The following SH3PXD2A variants were observed in gnomAD, a reference collection of about 807,000 sequenced individuals.
SH3PXD2A encodes SH3 and PX domain-containing protein 2A.
SH3PXD2A carries 32 observed loss-of-function variants against 115.2 expected under a neutral mutation model. That is an observed-to-expected ratio of 0.28 (90% CI 0.21 to 0.37). The LOEUF (loss-of-function observed/expected upper bound fraction) is 0.37. Ranked by LOEUF, SH3PXD2A falls within the 10% of genes least tolerant of loss-of-function variation. The pLI is 1.00. For missense variants in SH3PXD2A, 1,328 were observed against 1,498.7 expected, an observed-to-expected ratio of 0.89 and a Z score of 1.88; for synonymous variants, 610 against 629.1, an observed-to-expected ratio of 0.97 and a Z score of 0.45.
chr10:103,680,530 G>A (rs1053719244), intron 6 of SH3PXD2A, among the ~76,000 whole-genome samples: 2 of 152,098 alleles, frequency 1.3e-5, no homozygotes, highest in Non-Finnish European at 2.9e-5. Flanking sequence ...TCCCACCTCA[G>A]GTTCCCAAAG....
At chr10:103,755,717 A>G (rs2038633006) in intron 3 of SH3PXD2A, among the ~76,000 whole-genome samples, 2 of 152,206 alleles carry the variant, frequency 1.3e-5, no homozygotes, top group Admixed American at 6.5e-5. Flanking sequence ...CCAGATCTGC[A>G]GGAGCCCAAA....
chr10:103,620,754 A>G lies in SH3PXD2A; in HGVS notation c.802+1716T>C, dbSNP rs1187907857. Among the ~76,000 whole-genome samples, 1 of 152,164 alleles carries G rather than the reference A, an allele frequency of 6.6e-6. No homozygotes were observed. On this transcript the variant is annotated intron_variant, in intron 10 of 14. Transcript: ENST00000369774. The surrounding 1 kb of genome is among the most constrained non-coding windows in gnomAD (Gnocchi z 5.3). ...GAGAGAGAGCAAGAGCTGGGGGCTTATATTTGCTTAGGTATGGGTGACCAA... is the reference window on the plus strand; with the variant it reads ...GAGAGAGAGCAAGAGCTGGGGGCTTGTATTTGCTTAGGTATGGGTGACCAA...
chr10:103,712,588 G>T (rs1564870763), intron 5 of SH3PXD2A, among the ~76,000 whole-genome samples: 1 of 152,236 alleles, frequency 6.6e-6, no homozygotes. Flanking sequence ...GCCCTGGGGG[G>T]CCTGGACCAG....
At chr10:103,771,738 A>ACAC (rs112556897) in intron 2 of SH3PXD2A, among the ~76,000 whole-genome samples, 1 of 143,004 alleles carries the variant, frequency 7.0e-6, no homozygotes, top group Non-Finnish European at 1.5e-5. Context: ...CCGTCAAAAC[A>ACAC]ACACACACAC....
rs1013279419 is a variant in SH3PXD2A, at chr10:103,801,348, A to G, written c.87T>C (p.Asn29=). ...NPSKHYVYII[N]VTWSDSTSQT... ...GGGAGGTGGAGTCAGACCAGGTCAC[A>G]TTGATTATGTATACCTGTGGGAAAA... The change falls in exon 2 of 15, where the codon AAT becomes AAC. Residue 29 remains asparagine (N), a synonymous_variant. Transcript: ENST00000369774. 1 of 1,608,612 alleles carries G rather than the reference A, an allele frequency of 6.2e-7. No homozygotes were observed. Among genetic ancestry groups the G allele is most frequent in the African/African-American group, 1.3e-5 (1 of 74,930 alleles).
intron 1 of SH3PXD2A, among the ~76,000 whole-genome samples, chr10:103,818,837 C>T (rs2039349243): frequency 6.6e-6 from 1 of 152,126 alleles, no homozygotes; most frequent in African/African-American, 2.4e-5. Flanking sequence ...ACTGGGTCCC[C>T]CTCTACTCAC....
chr10:103,621,460 C>A (rs2036602128), intron 10 of SH3PXD2A, among the ~76,000 whole-genome samples: 1 of 152,248 alleles, frequency 6.6e-6, no homozygotes, highest in Non-Finnish European at 1.5e-5. Context: ...CTGTAGCCAC[C>A]TGTGTCCAGG....
intron 10 of SH3PXD2A, among the ~76,000 whole-genome samples, chr10:103,621,577 G>T (rs2036604177): frequency 6.6e-6 from 1 of 152,202 alleles, no homozygotes; most frequent in African/African-American, 2.4e-5. Flanking sequence ...TTCCAGAAAG[G>T]CCAGTGTTTA....
At chr10:103,787,283 A>G (rs1217232783) in intron 2 of SH3PXD2A, among the ~76,000 whole-genome samples, 1 of 152,240 alleles carries the variant, frequency 6.6e-6, no homozygotes, top group Non-Finnish European at 1.5e-5. Flanking sequence ...CAGCCAAGAA[A>G]CCCAGGTATT....
At chr10:103,819,874 T>A (rs1319898812) in intron 1 of SH3PXD2A, among the ~76,000 whole-genome samples, 1 of 151,528 alleles carries the variant, frequency 6.6e-6, no homozygotes, top group African/African-American at 2.4e-5. Context: ...TGCTTAGAGA[T>A]CAAGAAATCT....
intron 1 of SH3PXD2A, among the ~76,000 whole-genome samples, chr10:103,823,736 G>A (rs770355853): frequency 1.7e-4 from 26 of 152,190 alleles, no homozygotes; most frequent in Admixed American, 2.6e-4. Flanking sequence ...GCCTCATGGC[G>A]TGGCCTCACA....
intron 3 of SH3PXD2A, among the ~76,000 whole-genome samples, chr10:103,759,854 A>G (rs2038681615): frequency 1.3e-5 from 2 of 152,198 alleles, no homozygotes; most frequent in Admixed American, 6.5e-5. Flanking sequence ...GCTTGGCCCA[A>G]TGTCCTAAGG....
At chr10:103,822,561 C>T (rs2039392200) in intron 1 of SH3PXD2A, among the ~76,000 whole-genome samples, 1 of 152,256 alleles carries the variant, frequency 6.6e-6, no homozygotes, top group Non-Finnish European at 1.5e-5. Flanking sequence ...GGGGGAGCAG[C>T]ACTTTCATGC....
chr10:103,788,108 C>T (rs936784402), intron 2 of SH3PXD2A, among the ~76,000 whole-genome samples: 5 of 152,188 alleles, frequency 3.3e-5, no homozygotes, highest in African/African-American at 1.2e-4. Flanking sequence ...GCCCCTTCCC[C>T]TCTCCAGGGA....
At chr10:103,621,567 T>C (rs2036603984) in intron 10 of SH3PXD2A, among the ~76,000 whole-genome samples, 1 of 152,196 alleles carries the variant, frequency 6.6e-6, no homozygotes, top group African/African-American at 2.4e-5. Context: ...GTGTCCCCGC[T>C]TCCAGAAAGG....
chr10:103,701,519 C>T (rs1444826970), intron 5 of SH3PXD2A, among the ~76,000 whole-genome samples: 1 of 149,068 alleles, frequency 6.7e-6, no homozygotes, highest in Non-Finnish European at 1.5e-5. Context: ...ATCCATCCAT[C>T]ATCCATCCAT....
chr10:103,855,299 G>A lies in SH3PXD2A; in HGVS notation c.-33C>T, dbSNP rs1486027266. 2.0e-6 allele frequency: 3 copies of A among 1,495,716 alleles called. No homozygotes were observed. The highest frequency in any genetic ancestry group is 2.7e-6 in the Non-Finnish European group (3 of 1,115,648). 92.7% of individuals were successfully genotyped at this position (1,495,716 alleles called of 1,614,324 possible). A position where few individuals can be genotyped will look rare whatever the true frequency, so the allele number is the denominator to read the frequency against. ...CACAAAGCGAGTGGCGCCCCCGGCG[G>A]CGTCACCTTCTCATCCCGGCCGGGC... is the stretch of plus-strand genomic sequence containing the variant. On this transcript the variant is annotated 5_prime_UTR_variant, in exon 1 of 15. Coordinates refer to ENST00000369774, the MANE Select transcript of SH3PXD2A (RefSeq NM_001394015.1).
In SH3PXD2A at chr10:103,841,771, C is replaced by T. The variant is rs368701600; in HGVS notation, c.72+13424G>A. Among the ~76,000 whole-genome samples, 32 of 152,160 alleles carry T rather than the reference C, an allele frequency of 2.1e-4. 1 individual carries two copies. Among genetic ancestry groups the T allele is most frequent in the African/African-American group, 7.5e-4 (31 of 41,436 alleles). ...CCACAGGGCTCACTTCCTCACCTCCCTCAAGTCTTACTCAAAAGCCACCTC... is the reference window on the plus strand; with the variant it reads ...CCACAGGGCTCACTTCCTCACCTCCTTCAAGTCTTACTCAAAAGCCACCTC... On this transcript the variant is annotated intron_variant, in intron 1 of 14. Coordinates refer to ENST00000369774, the MANE Select transcript of SH3PXD2A (RefSeq NM_001394015.1).
At chr10:103,725,703 G>C (rs955937311) in intron 4 of SH3PXD2A, among the ~76,000 whole-genome samples, 1 of 152,116 alleles carries the variant, frequency 6.6e-6, no homozygotes, top group Non-Finnish European at 1.5e-5. Flanking sequence ...GAGGGCGCCT[G>C]TAATGCCAGC....
Sources: allele counts gnomAD v4.1 joint callset (sites outside exome capture counted in the v4.1 genomes callset), GRCh38; gene constraint gnomAD v4.1.1; non-coding constraint Gnocchi (gnomAD v3.1); transcripts MANE v1.5; gene names NCBI Gene and HGNC (gene_info 2026-07-23, HGNC 2026-07-21).